Variants in LIMCH1 observed in about 807,000 individuals in gnomAD.
LIMCH1 encodes the protein LIM and calponin homology domains 1.
In LIMCH1, 113 loss-of-function variants were observed where a neutral mutation model predicts 176.5. The ratio of observed to expected loss-of-function variants is 0.64; its 90% CI spans 0.55 to 0.75. LIMCH1 has a LOEUF of 0.75. LIMCH1 is among the 30% of genes least tolerant of loss of function. The pLI, the probability that LIMCH1 is intolerant of heterozygous loss-of-function variation, is 0.00. For missense variants in LIMCH1, 1,674 were observed against 1,814.9 expected, an observed-to-expected ratio of 0.92 and a Z score of 1.41; for synonymous variants, 619 against 645.9, an observed-to-expected ratio of 0.96 and a Z score of 0.63.
At chr4:41,415,695 G>A (rs756243273) in intron 1 of LIMCH1, among the ~76,000 whole-genome samples, 1 of 152,062 alleles carries the variant, frequency 6.6e-6, no homozygotes, top group Non-Finnish European at 1.5e-5. Context: ...ATTATGCTGG[G>A]AACACAGCGC....
intron 1 of LIMCH1, among the ~76,000 whole-genome samples, chr4:41,580,980 T>C (rs1412474510): frequency 6.6e-6 from 1 of 152,170 alleles, no homozygotes; most frequent in Admixed American, 6.5e-5. Context: ...ACCTTGACTA[T>C]ACCAATTACT....
intron 1 of LIMCH1, among the ~76,000 whole-genome samples, chr4:41,417,496 G>A (rs1457407521): frequency 2.0e-5 from 3 of 152,070 alleles, no homozygotes; most frequent in East Asian, 1.9e-4. Context: ...ATTAGTAGTC[G>A]TTATCTCTGG....
intron 1 of LIMCH1, among the ~76,000 whole-genome samples, chr4:41,380,498 C>T (rs898197026): frequency 6.6e-6 from 1 of 151,038 alleles, no homozygotes; most frequent in Non-Finnish European, 1.5e-5. Context: ...TTTAGATAAG[C>T]ATGTAATAAT....
chr4:41,602,224 T>G lies in LIMCH1; in HGVS notation c.-133-1651T>G, dbSNP rs138148223. ...TACCTGTAATGGATGCCAGACAACCTTGATGGGAAATGAAAGTGTAATCTA... is the reference window on the plus strand; with the variant it reads ...TACCTGTAATGGATGCCAGACAACCGTGATGGGAAATGAAAGTGTAATCTA... On this transcript the variant is annotated intron_variant, in intron 2 of 31. Coordinates refer to ENST00000503057, the MANE Select transcript of LIMCH1 (RefSeq NM_001330672.2). Among the ~76,000 whole-genome samples, 626 of 151,788 alleles carry G rather than the reference T, an allele frequency of 4.1e-3. 1 individual carries two copies. The highest frequency in any genetic ancestry group is 6.6e-3 in the Non-Finnish European group (451 of 67,974).
chr4:41,620,447 A>T lies in LIMCH1; in HGVS notation c.482A>T (p.Glu161Val). The T allele has an allele frequency of 1.3e-6, 2 of 1,536,046 alleles. No individual in the cohort carries two copies. The highest frequency in any genetic ancestry group is 1.7e-6 in the Non-Finnish European group (2 of 1,146,888). Residue 161 changes from glutamate to valine, a missense_variant, in exon 7 of 32, where the codon GAG becomes GTG. Physicochemically the swap from Glu to Val is moderately radical, Grantham distance 121. Transcript: ENST00000503057. ...AGCTTTCCTGAAACGATAGAGGAAG[A>T]GGGGAGTGAAGTGGGGTCTGCTGGT... The part of the protein sequence containing the change: ...PFSFPETIEE[E>V]GSEVGSAGED...
rs151251901 is a variant in LIMCH1 at position 41,582,796 on chromosome 4, T to C, written c.-240-16124T>C. The stretch of plus-strand genomic sequence containing the variant: ...ATGATGATCATGATGTTGATATTTA[T>C]AATTATCATTATCATCATCTTCAGC... On this transcript the variant is annotated intron_variant, in intron 1 of 31. Transcript: ENST00000503057. Among the ~76,000 whole-genome samples, 15 of 152,362 alleles carry C rather than the reference T, an allele frequency of 9.8e-5. 1 individual carries two copies. The highest frequency in any genetic ancestry group is 3.4e-4 in the African/African-American group (14 of 41,590).
chr4:41,593,939 C>G (rs1313835789), intron 1 of LIMCH1, among the ~76,000 whole-genome samples: 5 of 152,196 alleles, frequency 3.3e-5, no homozygotes, highest in Non-Finnish European at 5.9e-5. Context: ...ACCTCTCTCT[C>G]TCTCCCTTCC....
intron 1 of LIMCH1, among the ~76,000 whole-genome samples, chr4:41,594,432 T>C (rs999101356): frequency 6.6e-6 from 1 of 152,210 alleles, no homozygotes; most frequent in African/African-American, 2.4e-5. Context: ...GCTTCCAAAG[T>C]TAACACACTA....
intron 1 of LIMCH1, among the ~76,000 whole-genome samples, chr4:41,594,353 T>C (rs1268850078): frequency 6.6e-6 from 1 of 152,224 alleles, no homozygotes; most frequent in Non-Finnish European, 1.5e-5. Flanking sequence ...GAGCTAAATA[T>C]ATAGCCATTA....
At chr4:41,627,114 C>T (rs1183801122) in intron 8 of LIMCH1, 104 bp downstream of exon 8, 5 of 1,372,204 alleles carry the variant, frequency 3.6e-6, no homozygotes, top group Non-Finnish European at 4.8e-6. Flanking sequence ...TATTGTACCC[C>T]CTCCAGTTCC....
Position 41,524,732 on chromosome 4 carries a change from T to G in LIMCH1, c.237+254T>G, listed in dbSNP as rs4610372. On this transcript the variant is annotated intron_variant, in intron 3 of 26. Coordinates refer to the LIMCH1 transcript ENST00000313860. The stretch of plus-strand genomic sequence containing the variant: ...TCTCAAAGAGCTAAATTTGTTTTGG[T>G]GTGAGAGGCTGATAATTAGGTTGAC... Among the ~76,000 whole-genome samples, 79,031 of 152,082 alleles carry G rather than the reference T, an allele frequency of 0.52. 23,703 individuals carry two copies. Among genetic ancestry groups the G allele is most frequent in the African/African-American group, 0.83 (34,488 of 41,492 alleles).
At chr4:41,449,481 G>C (rs186356050) in intron 1 of LIMCH1, among the ~76,000 whole-genome samples, 2 of 152,082 alleles carry the variant, frequency 1.3e-5, no homozygotes, top group Non-Finnish European at 2.9e-5. Flanking sequence ...AGGCCCCAGG[G>C]ATTGGACTTG....
intron 1 of LIMCH1, among the ~76,000 whole-genome samples, chr4:41,581,785 AAC>A (rs2085487152): frequency 2.1e-5 from 3 of 141,984 alleles, no homozygotes; most frequent in African/African-American, 2.6e-5. Context: ...CAGCCTGGGC[AAC>A]AGAGCAAGAC....
rs1167624704 is a variant in LIMCH1 at position 41,684,468 on chromosome 4, A to G, written c.3917A>G (p.Asp1306Gly). The change falls in exon 27 of 32, where the codon GAT (aspartate) becomes GGT (glycine). Residue 1306 changes from aspartate (D) to glycine (G), a missense_variant. By Grantham distance (94) the Asp-to-Gly change is moderately conservative. Coordinates refer to ENST00000503057, the MANE Select transcript of LIMCH1 (RefSeq NM_001330672.2). ...SKGVHEDHQLDTEAGAPHCGT... is the reference protein window; with the variant it reads ...SKGVHEDHQLGTEAGAPHCGT... ...GGAGTCCATGAAGACCATCAGCTGG[A>G]TACCGAGGCTGGGGCCCCACACTGT... is the stretch of plus-strand genomic sequence containing the variant. 3.1e-6 allele frequency: 5 copies of G among 1,613,798 alleles called. No homozygotes were observed. Among genetic ancestry groups the G allele is most frequent in the Non-Finnish European group, 4.2e-6 (5 of 1,179,836 alleles).
intron 1 of LIMCH1, among the ~76,000 whole-genome samples, chr4:41,592,249 A>T (rs2087740239): frequency 1.3e-5 from 2 of 152,166 alleles, no homozygotes; most frequent in Admixed American, 6.5e-5. Context: ...ACTCTCCTTC[A>T]TGTGTACTTT....
intron 1 of LIMCH1, among the ~76,000 whole-genome samples, chr4:41,588,997 A>G (rs1392508263): frequency 2.0e-5 from 3 of 152,314 alleles, no homozygotes; most frequent in Admixed American, 6.5e-5. Context: ...TAACTGTTCC[A>G]TCTGCATTAT....
chr4:41,545,905 G>C (rs576942637), intron 1 of LIMCH1, among the ~76,000 whole-genome samples: 1 of 152,206 alleles, frequency 6.6e-6, no homozygotes, highest in South Asian at 2.1e-4. Flanking sequence ...TGGTCCAACT[G>C]TTAGGTTGCT....
At chr4:41,417,422 A>G (rs1205469714) in intron 1 of LIMCH1, among the ~76,000 whole-genome samples, 1 of 152,202 alleles carries the variant, frequency 6.6e-6, no homozygotes, top group African/African-American at 2.4e-5. Context: ...ATCAATCAGA[A>G]GCAAGCTGAA....
chr4:41,502,608 G>A (rs971697341), intron 2 of LIMCH1, among the ~76,000 whole-genome samples: 12 of 152,090 alleles, frequency 7.9e-5, no homozygotes, highest in African/African-American at 2.9e-4. Context: ...TCTGACTGGC[G>A]TGAGACGATA....
Sources: gnomAD v4.1 joint callset for allele counts (sites outside exome capture counted in the v4.1 genomes callset) on GRCh38, gnomAD v4.1.1 for gene constraint, MANE v1.5 for transcripts, NCBI Gene and HGNC (gene_info 2026-07-23, HGNC 2026-07-21) for gene names.